TMEM272: variants seen among roughly 807,000 people sequenced by gnomAD.
TMEM272 encodes transmembrane protein 272.
TMEM272 carries 8 observed loss-of-function variants against 3.7 expected under a neutral mutation model. That is an observed-to-expected ratio of 2.17 (90% CI 1.27 to 3.91). TMEM272 has a LOEUF of 3.91. TMEM272 is among the 30% of genes most tolerant of loss of function. The pLI, the probability that TMEM272 is intolerant of heterozygous loss-of-function variation, is 0.00. For synonymous variants in TMEM272, 63 were observed against 39.8 expected (o/e 1.58, Z -2.20); for missense variants, 166 against 91.5 (o/e 1.81, Z -3.32).
At chr13:51,932,802 T>C in the TMEM272 span, 1 of 152,226 alleles carries the variant, frequency 6.6e-6, no homozygotes, top group Non-Finnish European at 1.5e-5. Context: ...TATATAAATA[T>C]TTCCATGTCC....
At chr13:51,921,990 C>T in the TMEM272 span, among the ~76,000 whole-genome samples, 2 of 152,092 alleles carry the variant, frequency 1.3e-5, no homozygotes, top group South Asian at 4.1e-4. Context: ...CTCATTTATA[C>T]GTGTGGGTTG....
At chr13:51,872,504 T>C in the TMEM272 span, among the ~76,000 whole-genome samples, 1 of 151,994 alleles carries the variant, frequency 6.6e-6, no homozygotes, top group Admixed American at 6.5e-5. Flanking sequence ...CTCAAAAAAA[T>C]CATCCAAGAC....
the TMEM272 span, among the ~76,000 whole-genome samples, chr13:51,866,482 G>C: frequency 6.6e-6 from 1 of 152,212 alleles, no homozygotes; most frequent in African/African-American, 2.4e-5. Context: ...CCACGCTGTG[G>C]GGAGGTCACT....
chr13:51,817,030 T>TTCGTCA lies in TMEM272; in HGVS notation c.279_284dup (p.Asp93_Asp94dup), dbSNP rs759567876. ...TGTGCGCATTCTGCCTCCAGGGGTA[T>TTCGTCA]TCGTCATCGTCATCGTCATCAATCA... On this transcript the variant is annotated inframe_insertion, in exon 5 of 5. Transcript: ENST00000629372. 3.7e-5 allele frequency: 26 copies of TTCGTCA among 702,976 alleles called. No homozygotes were observed. Among genetic ancestry groups the TTCGTCA allele is most frequent in the East Asian group, 1.1e-4 (4 of 37,282 alleles). The allele number at this position is 702,976 out of a possible 1,614,324, so 43.5% of individuals were successfully genotyped here. A position where few individuals can be genotyped will look rare whatever the true frequency, so the allele number is the denominator to read the frequency against.
intron 4 of TMEM272, among the ~76,000 whole-genome samples, chr13:51,819,815 T>C (rs1408320818): frequency 6.6e-6 from 1 of 152,112 alleles, no homozygotes; most frequent in Non-Finnish European, 1.5e-5. Flanking sequence ...TGTGGGAAGA[T>C]GAGGGGGAGT....
the TMEM272 span, among the ~76,000 whole-genome samples, chr13:51,879,892 G>T: frequency 6.6e-6 from 1 of 152,194 alleles, no homozygotes; most frequent in Non-Finnish European, 1.5e-5. Context: ...TCCAGGAAGG[G>T]CTTTCTAGAG....
the TMEM272 span, among the ~76,000 whole-genome samples, chr13:51,903,509 C>T: frequency 6.6e-6 from 1 of 152,170 alleles, no homozygotes; most frequent in Non-Finnish European, 1.5e-5. Flanking sequence ...TGGCTGCTCT[C>T]TCCACTGTAC....
chr13:51,913,306 G>C, the TMEM272 span, among the ~76,000 whole-genome samples: 1 of 152,228 alleles, frequency 6.6e-6, no homozygotes, highest in South Asian at 2.1e-4. Flanking sequence ...AAGTGAGGCA[G>C]TTTGCTTTTA....
the TMEM272 span, among the ~76,000 whole-genome samples, chr13:51,867,260 T>C: frequency 0.012 from 1,840 of 152,298 alleles, 19 homozygotes; most frequent in Non-Finnish European, 0.019. Context: ...AAACCCATTG[T>C]ACAGATGAGG....
the TMEM272 span, among the ~76,000 whole-genome samples, chr13:51,866,791 G>A: frequency 6.6e-6 from 1 of 152,190 alleles, no homozygotes; most frequent in East Asian, 1.9e-4. Context: ...CCATGGAGTG[G>A]CCTGGGCAAT....
At chr13:51,872,843 T>C in the TMEM272 span, among the ~76,000 whole-genome samples, 1 of 152,274 alleles carries the variant, frequency 6.6e-6, no homozygotes, top group African/African-American at 2.4e-5. Flanking sequence ...CTCCAAGTTT[T>C]ATTCTTAGAC....
the TMEM272 span, among the ~76,000 whole-genome samples, chr13:51,894,640 GGCAAACCCAAATGT>G: frequency 6.6e-6 from 1 of 152,084 alleles, no homozygotes; most frequent in Non-Finnish European, 1.5e-5. Context: ...TTTGCAAAAG[GGCAAACCCAAATGT>G]GCAAATGGAG....
At chr13:51,914,348 A>G in the TMEM272 span, among the ~76,000 whole-genome samples, 1 of 152,364 alleles carries the variant, frequency 6.6e-6, no homozygotes, top group East Asian at 1.9e-4. Flanking sequence ...GCTGAGCAGC[A>G]CTGTCACCAA....
chr13:51,841,145 G>A (rs1047164446), intron 1 of TMEM272, among the ~76,000 whole-genome samples: 6 of 152,322 alleles, frequency 3.9e-5, no homozygotes, highest in African/African-American at 1.2e-4. Context: ...TTATCTAAAG[G>A]GGCCATGGCC....
chr13:51,825,003 T>G (rs1324346403), intron 3 of TMEM272, among the ~76,000 whole-genome samples: 2 of 152,142 alleles, frequency 1.3e-5, no homozygotes, highest in East Asian at 3.9e-4. Context: ...AAGGCTAGGG[T>G]TCTCTTACCT....
chr13:51,827,759 G>A (rs891475412), intron 2 of TMEM272, among the ~76,000 whole-genome samples: 4 of 152,064 alleles, frequency 2.6e-5, no homozygotes, highest in South Asian at 4.1e-4. Context: ...CTGCTGTGCC[G>A]TTTATGTGCT....
At chr13:51,931,128 T>C in the TMEM272 span, among the ~76,000 whole-genome samples, 1 of 152,110 alleles carries the variant, frequency 6.6e-6, no homozygotes, top group African/African-American at 2.4e-5. Context: ...ATCCAAAGGA[T>C]TATAAATCAT....
At chr13:51,830,132 C>G (rs1211524130) in intron 2 of TMEM272, among the ~76,000 whole-genome samples, 2 of 152,214 alleles carry the variant, frequency 1.3e-5, no homozygotes, top group African/African-American at 4.8e-5. Context: ...TTTGCTATTT[C>G]TTTGGGTTTC....
At chr13:51,934,118 T>C in the TMEM272 span, 3 of 166,990 alleles carry the variant, frequency 1.8e-5, no homozygotes, top group Non-Finnish European at 4.0e-5. Flanking sequence ...CTCCAGAGCA[T>C]TGGAGAAGCG....
Sources: allele counts gnomAD v4.1 joint callset (sites outside exome capture counted in the v4.1 genomes callset), GRCh38; gene constraint gnomAD v4.1.1; transcripts MANE v1.5; gene names NCBI Gene and HGNC (gene_info 2026-07-23, HGNC 2026-07-21).